The following GLIS1 variants were observed in gnomAD, a reference collection of about 807,000 sequenced individuals.
The protein encoded by GLIS1 is zinc finger protein GLIS1.
Under a neutral mutation model 63.8 loss-of-function variants are expected in GLIS1, and 24 were observed. The observed-to-expected ratio is 0.38, with a 90% CI of 0.27 to 0.53. The LOEUF (loss-of-function observed/expected upper bound fraction) is 0.53, where lower values mean the gene tolerates loss of function less well. GLIS1 is among the 20% of genes least tolerant of loss of function. GLIS1 has a pLI of 0.85. For missense variants in GLIS1, 1,036 were observed against 1,074.1 expected (o/e 0.96, Z 0.50); for synonymous variants, 450 against 482.5 (o/e 0.93, Z 0.88).
At chr1:53,718,702 C>G (rs771264690) in intron 2 of GLIS1, among the ~76,000 whole-genome samples, 3 of 152,158 alleles carry the variant, frequency 2.0e-5, no homozygotes, top group African/African-American at 4.8e-5. Flanking sequence ...ATCCCCACCC[C>G]CTACTCCTAG....
intron 4 of GLIS1, among the ~76,000 whole-genome samples, chr1:53,535,489 G>T (rs1275007344): frequency 6.6e-6 from 1 of 152,062 alleles, no homozygotes; most frequent in Non-Finnish European, 1.5e-5. Flanking sequence ...GCCCACCTTG[G>T]GGCCTCTCAG....
Position 53,616,758 on chromosome 1 carries a change from G to A in GLIS1, c.260-16480C>T, listed in dbSNP as rs1043253740. The stretch of plus-strand genomic sequence containing the variant: ...TGGACACCTCAGCTCTCCAGGAACG[G>A]GCACAATCCGGAGATCCAGCCCGGA... On this transcript the variant is annotated intron_variant, in intron 2 of 10. Transcript: ENST00000628545. Among the ~76,000 whole-genome samples, 19 of 152,262 alleles carry A rather than the reference G, an allele frequency of 1.2e-4. No individual in the cohort carries two copies. The East Asian group carries it at 3.5e-3, about 28-fold the overall frequency.
intron 2 of GLIS1, among the ~76,000 whole-genome samples, chr1:53,712,753 A>C (rs1646658730): frequency 6.6e-6 from 1 of 152,158 alleles, no homozygotes; most frequent in Non-Finnish European, 1.5e-5. Context: ...GGACCTGACC[A>C]TGTGAGGCTT....
chr1:53,510,124 G>A (rs1224708847), intron 8 of GLIS1, 97 bp from the exon 9 acceptor site: 1 of 600,722 alleles, frequency 1.7e-6, no homozygotes, highest in South Asian at 8.7e-5. Flanking sequence ...GCGACGGGGA[G>A]CCCACTCACC....
chr1:53,686,782 G>A (rs757348310), intron 2 of GLIS1, among the ~76,000 whole-genome samples: 2 of 151,726 alleles, frequency 1.3e-5, no homozygotes, highest in Admixed American at 1.3e-4. Flanking sequence ...CGTGTGACGG[G>A]TTCAGAGGAT....
chr1:53,677,008 T>G (rs546587329), intron 2 of GLIS1, among the ~76,000 whole-genome samples: 1 of 152,208 alleles, frequency 6.6e-6, no homozygotes. Flanking sequence ...TCTCTGGGAC[T>G]GCATGACGTG....
At position 53,594,449 on chromosome 1, in the gene GLIS1, C is replaced by T. The variant is rs1645228869; in HGVS notation, c.979G>A (p.Glu327Lys). The change falls in exon 4 of 11, where the codon GAG (glutamate) becomes AAG (lysine). Residue 327 changes from glutamate to lysine, a missense_variant. Glu to Lys is a moderately conservative substitution (Grantham distance 56). This residue lies in a region of GLIS1 where 592 missense variants were observed against 593.9 expected (regional missense o/e 1.00). Transcript: ENST00000628545. ...TGAGGCCCAAAGAGCTCTGAAAACT[C>T]ATCCGCGGGTTCCTGCTTCAGGAAG... ...ASFLKQEPAD[E>K]FSELFGPHQQ... 3.1e-6 allele frequency: 5 copies of T among 1,612,966 alleles called. No homozygotes were observed. The East Asian group carries it at 8.9e-5, about 29-fold the overall frequency.
chr1:53,600,365 C>T (rs12036606), intron 2 of GLIS1, 87 bp from the exon 3 acceptor site: 781,511 of 841,714 alleles, frequency 0.93, 373,418 homozygotes, highest in Non-Finnish European at 0.99. Flanking sequence ...CCCTGGGGTA[C>T]AGCAAGGGAC....
chr1:53,581,634 C>A (rs967919580), intron 4 of GLIS1, among the ~76,000 whole-genome samples: 22 of 152,114 alleles, frequency 1.4e-4, no homozygotes, highest in African/African-American at 4.8e-4. Context: ...GTGCTACTTT[C>A]GAGAGGCAGT....
chr1:53,728,638 A>C (rs1466030920), intron 2 of GLIS1, among the ~76,000 whole-genome samples: 1 of 152,246 alleles, frequency 6.6e-6, no homozygotes, highest in African/African-American at 2.4e-5. Context: ...ACACAAGAAT[A>C]CAAAGATGAA....
chr1:53,536,779 G>C (rs1437611844), intron 4 of GLIS1, among the ~76,000 whole-genome samples: 2 of 152,176 alleles, frequency 1.3e-5, no homozygotes, highest in Admixed American at 6.5e-5. Context: ...GGCAAGGCCA[G>C]GCCTGGGCCC....
intron 6 of GLIS1, among the ~76,000 whole-genome samples, chr1:53,523,756 G>A (rs1034609363): frequency 2.6e-5 from 4 of 152,086 alleles, no homozygotes; most frequent in East Asian, 3.9e-4. Flanking sequence ...CACACGGCTC[G>A]TCCAAAACAG....
rs1243272707 is a variant in GLIS1, at chr1:53,509,771, C to T, written c.2062+78G>A. The T allele has an allele frequency of 2.2e-6, 2 of 891,764 alleles. 1 individual carries two copies. The highest frequency in any genetic ancestry group is 3.5e-5 in the African/African-American group (2 of 57,720). The allele number at this position is 891,764 out of a possible 1,614,324, so 55.2% of individuals were successfully genotyped here. The stretch of plus-strand genomic sequence containing the variant: ...TGAGTACCTGCCTCCCCCACTAGGT[C>T]ACTGTCTCCTCGTTCCTCTGGGGTC... On this transcript the variant is annotated intron_variant, in intron 9 of 10. Transcript: ENST00000628545.
At chr1:53,683,185 G>C (rs1454882321) in intron 2 of GLIS1, among the ~76,000 whole-genome samples, 1 of 152,196 alleles carries the variant, frequency 6.6e-6, no homozygotes, top group African/African-American at 2.4e-5. Context: ...CACATTCCTG[G>C]CTCCCCAACC....
rs576907928 is a variant in GLIS1, at chr1:53,536,067, G to A, written c.1321-6115C>T. ...GACCAGATACCTCAGATGTAAGAAG[G>A]GGCACACTGTGGGGGCTCTGTGAAC... On this transcript the variant is annotated intron_variant, in intron 4 of 10. Transcript: ENST00000628545. Among the ~76,000 whole-genome samples, 23 of 152,200 alleles carry A rather than the reference G, an allele frequency of 1.5e-4. 1 individual carries two copies. In the South Asian group the frequency reaches 4.8e-3, roughly 32 times the overall value.
intron 2 of GLIS1, among the ~76,000 whole-genome samples, chr1:53,620,624 C>T (rs1435085509): frequency 2.0e-5 from 3 of 152,232 alleles, no homozygotes; most frequent in East Asian, 1.9e-4. Context: ...GGCTCTCATC[C>T]GCAGCTGGGC....
At chr1:53,720,289 G>A (rs766011767) in intron 2 of GLIS1, among the ~76,000 whole-genome samples, 4 of 152,214 alleles carry the variant, frequency 2.6e-5, no homozygotes, top group Non-Finnish European at 5.9e-5. Context: ...TAGAGAAAAT[G>A]CGGTATAAAT....
At chr1:53,700,700 G>A (rs1646514430) in intron 2 of GLIS1, among the ~76,000 whole-genome samples, 1 of 152,118 alleles carries the variant, frequency 6.6e-6, no homozygotes, top group Non-Finnish European at 1.5e-5. Context: ...AGAGAGGTGT[G>A]CACCCATCAC....
chr1:53,719,172 C>T (rs767007535), intron 2 of GLIS1, among the ~76,000 whole-genome samples: 4 of 152,240 alleles, frequency 2.6e-5, no homozygotes, highest in Non-Finnish European at 4.4e-5. Flanking sequence ...GCAGCCACCT[C>T]TCCTCATTCT....
Sources: gnomAD v4.1 joint callset for allele counts (sites outside exome capture counted in the v4.1 genomes callset) on GRCh38, gnomAD v4.1.1 for gene constraint, gnomAD v4.1.1 regional missense constraint, MANE v1.5 for transcripts, NCBI Gene and HGNC (gene_info 2026-07-23, HGNC 2026-07-21) for gene names.